MCF2L2: variants seen among roughly 807,000 people sequenced by gnomAD.
MCF2L2 encodes probable guanine nucleotide exchange factor MCF2L2.
Under a neutral mutation model 150.2 loss-of-function variants are expected in MCF2L2, and 102 were observed. That is an observed-to-expected ratio of 0.68 (90% confidence interval 0.58 to 0.80). The LOEUF (loss-of-function observed/expected upper bound fraction) is 0.80, where lower values mean the gene tolerates loss of function less well. MCF2L2 is among the 30% of genes least tolerant of loss of function. The pLI is 0.00. For missense variants in MCF2L2, 1,256 were observed against 1,372.8 expected (o/e 0.91, Z 1.34); for synonymous variants, 465 against 491.3 (o/e 0.95, Z 0.71).
At chr3:183,334,599 C>T (rs572461777) in intron 5 of MCF2L2, among the ~76,000 whole-genome samples, 1 of 150,564 alleles carries the variant, frequency 6.6e-6, no homozygotes, top group African/African-American at 2.4e-5. Context: ...ACCAGCCTGG[C>T]CAACATGGTG....
intron 15 of MCF2L2, chr3:183,273,021 G>C (rs1262393923): frequency 1.3e-6 from 2 of 1,486,836 alleles, no homozygotes. Context: ...GAAGTTGCTA[G>C]ATGATTCCTT....
intron 3 of MCF2L2, among the ~76,000 whole-genome samples, chr3:183,361,303 T>C (rs1176422886): frequency 1.3e-5 from 2 of 152,190 alleles, no homozygotes; most frequent in Non-Finnish European, 2.9e-5. Flanking sequence ...ACAAGAATGC[T>C]GGTAATGCTA....
At chr3:183,336,549 A>G (rs1730488767) in intron 5 of MCF2L2, among the ~76,000 whole-genome samples, 1 of 152,068 alleles carries the variant, frequency 6.6e-6, no homozygotes, top group African/African-American at 2.4e-5. Flanking sequence ...ACACCACCCA[A>G]TCAAGATATG....
intron 10 of MCF2L2, among the ~76,000 whole-genome samples, chr3:183,304,200 G>A (rs969050153): frequency 4.6e-5 from 7 of 152,190 alleles, no homozygotes; most frequent in Non-Finnish European, 1.0e-4. Context: ...TGCTGCCTGC[G>A]CTATGCCACA....
rs531356203 is a variant in MCF2L2 at position 183,389,583 on chromosome 3, C to G, written c.160+113G>C. The G allele has an allele frequency of 1.5e-3, 1,309 of 879,956 alleles. 1 individual carries two copies. The highest frequency in any genetic ancestry group is 1.7e-3 in the Non-Finnish European group (934 of 537,944). 54.5% of individuals were successfully genotyped at this position (879,956 alleles called of 1,614,324 possible). On this transcript the variant is annotated intron_variant, in intron 2 of 29. Transcript: ENST00000328913. ...CAGCCTGTTCTAGTCCCGGGTGAAGCCTAAGGGGTGAGTGAGATTTGAGTA... is the reference window on the plus strand; with the variant it reads ...CAGCCTGTTCTAGTCCCGGGTGAAGGCTAAGGGGTGAGTGAGATTTGAGTA...
At chr3:183,323,811 G>A (rs1729915256) in intron 5 of MCF2L2, among the ~76,000 whole-genome samples, 1 of 139,952 alleles carries the variant, frequency 7.1e-6, no homozygotes, top group Non-Finnish European at 1.5e-5. Context: ...AAAAAAAAAA[G>A]TTACTATATC....
chr3:183,191,901 C>T (rs1334232533), intron 27 of MCF2L2, among the ~76,000 whole-genome samples: 6 of 151,764 alleles, frequency 4.0e-5, no homozygotes, highest in East Asian at 1.9e-4. Flanking sequence ...AGTGCAGTGG[C>T]GTGATCTCGG....
At position 183,283,815 on chromosome 3, in the gene MCF2L2, A is replaced by C. The variant is rs58118640; in HGVS notation, c.1776+5305T>G. The stretch of plus-strand genomic sequence containing the variant: ...GGGATTACAGGTGTGAGCCACCACG[A>C]CCAGCCTTATTTATTCTTTAGAGTT... On this transcript the variant is annotated intron_variant, in intron 14 of 29. Transcript: ENST00000328913. The surrounding 1 kb of genome is among the most constrained non-coding windows in gnomAD (Gnocchi z 4.2). Among the ~76,000 whole-genome samples, 7,248 of 152,108 alleles carry C rather than the reference A, an allele frequency of 0.048. 416 individuals carry two copies. The highest frequency in any genetic ancestry group is 0.13 in the African/African-American group (5,555 of 41,506).
In MCF2L2 at chr3:183,423,564, G is replaced by A. The variant is rs191688741; in HGVS notation, c.76+4338C>T. Among the ~76,000 whole-genome samples the A allele has an allele frequency of 1.4e-3, 217 of 151,774 alleles. 3 individuals carry two copies. Among genetic ancestry groups the A allele is most frequent in the Admixed American group, 0.014 (209 of 15,234 alleles). ...AATATGAGGGGGCAAGGTGGAAAGT[G>A]AGCCATGCTGGAAATGCAAAACCTC... On this transcript the variant is annotated intron_variant, in intron 1 of 29. Coordinates refer to ENST00000328913, the MANE Select transcript of MCF2L2 (RefSeq NM_015078.4).
intron 22 of MCF2L2, among the ~76,000 whole-genome samples, chr3:183,213,827 A>G (rs1348935952): frequency 1.3e-5 from 2 of 152,220 alleles, no homozygotes; most frequent in African/African-American, 4.8e-5. Flanking sequence ...CTACTCCTCC[A>G]TAATTCAACA....
chr3:183,293,907 C>T lies in MCF2L2; in HGVS notation c.1675+1393G>A, dbSNP rs533251193. On this transcript the variant is annotated intron_variant, in intron 13 of 29. Coordinates refer to ENST00000328913, the MANE Select transcript of MCF2L2 (RefSeq NM_015078.4). ...ATGCCTAAGGCCTTTACACTCAAAA[C>T]GACTGCATTGTTGAGAGAAATTAAA... Among the ~76,000 whole-genome samples, 10 of 152,150 alleles carry T rather than the reference C, an allele frequency of 6.6e-5. No homozygotes were observed. In the East Asian group the frequency reaches 7.7e-4, roughly 12 times the overall value.
chr3:183,413,230 C>T (rs1715415068), intron 1 of MCF2L2, among the ~76,000 whole-genome samples: 2 of 152,082 alleles, frequency 1.3e-5, no homozygotes, highest in South Asian at 4.1e-4. Flanking sequence ...CTTTTGACTC[C>T]CCAAAACTTA....
chr3:183,194,870 C>G (rs371171428), intron 26 of MCF2L2, among the ~76,000 whole-genome samples: 12 of 152,238 alleles, frequency 7.9e-5, no homozygotes, highest in African/African-American at 2.6e-4. Flanking sequence ...CAGCTTTGAC[C>G]TCCTGGGCTC....
intron 15 of MCF2L2, chr3:183,265,248 G>A (rs1725987423): frequency 6.6e-6 from 1 of 152,222 alleles, no homozygotes; most frequent in African/African-American, 2.4e-5. Context: ...TAACCCTTGA[G>A]TTTCTAGTCT....
At chr3:183,391,080 A>G (rs1311079067) in intron 1 of MCF2L2, among the ~76,000 whole-genome samples, 5 of 152,102 alleles carry the variant, frequency 3.3e-5, no homozygotes, top group Non-Finnish European at 5.9e-5. Context: ...TCTAGTGTTG[A>G]CCAATCAGAA....
chr3:183,198,174 C>A (rs1302984359), intron 25 of MCF2L2, among the ~76,000 whole-genome samples: 2 of 152,102 alleles, frequency 1.3e-5, no homozygotes, highest in South Asian at 4.1e-4. Context: ...AAAGCAGAAA[C>A]AAATCGGATG....
intron 5 of MCF2L2, among the ~76,000 whole-genome samples, chr3:183,324,711 T>C (rs1247738124): frequency 2.0e-5 from 3 of 151,616 alleles, no homozygotes; most frequent in Non-Finnish European, 2.9e-5. Flanking sequence ...CCAGACTGGG[T>C]GATAGAGGGA....
At chr3:183,360,700 T>A (rs557873027) in intron 3 of MCF2L2, among the ~76,000 whole-genome samples, 19 of 152,174 alleles carry the variant, frequency 1.2e-4, no homozygotes, top group African/African-American at 3.9e-4. Flanking sequence ...CCAGGCGTGG[T>A]GGGTCACTCC....
At chr3:183,343,420 G>T (rs1730777360) in intron 3 of MCF2L2, among the ~76,000 whole-genome samples, 1 of 151,154 alleles carries the variant, frequency 6.6e-6, no homozygotes. Flanking sequence ...ACCCAGGCTG[G>T]AGTGTAGTGG....
Sources: allele counts gnomAD v4.1 joint callset (sites outside exome capture counted in the v4.1 genomes callset), GRCh38; gene constraint gnomAD v4.1.1; non-coding constraint Gnocchi (gnomAD v3.1); transcripts MANE v1.5; gene names NCBI Gene and HGNC (gene_info 2026-07-23, HGNC 2026-07-21).